The following ABHD12 variants were observed in gnomAD, a reference collection of about 807,000 sequenced individuals.
The protein encoded by ABHD12 is lysophosphatidylserine lipase ABHD12.
A neutral mutation model predicts 58.3 loss-of-function variants in ABHD12; 43 were observed. That is an observed-to-expected ratio of 0.74 (90% confidence interval 0.58 to 0.95). The LOEUF (loss-of-function observed/expected upper bound fraction) is 0.95. ABHD12 is among the 40% of genes least tolerant of loss of function. The pLI is 0.00. For missense variants in ABHD12, 539 were observed against 537.2 expected (o/e 1.00, Z -0.03); for synonymous variants, 219 against 211.2 (o/e 1.04, Z -0.32).
At chr20:25,304,100 A>G (rs902831156) in intron 10 of ABHD12, among the ~76,000 whole-genome samples, 4 of 152,266 alleles carry the variant, frequency 2.6e-5, no homozygotes, top group African/African-American at 9.6e-5. Flanking sequence ...AGCAAACCAC[A>G]TAACAGAAGC....
At chr20:25,297,132 T>C (rs898739425), downstream of ABHD12, 1 of 153,454 alleles carries the variant, frequency 6.5e-6, no homozygotes, top group African/African-American at 2.4e-5. Context: ...GATGGGGCTT[T>C]CCCTTTGTAG....
intron 1 of ABHD12, among the ~76,000 whole-genome samples, chr20:25,353,210 T>C (rs574670475): frequency 1.4e-4 from 22 of 151,838 alleles, no homozygotes; most frequent in African/African-American, 5.3e-4. Flanking sequence ...TATAATGCTT[T>C]TTCCAAATTC....
At chr20:25,303,291 T>C (rs747665646) in intron 11 of ABHD12, 147 of 1,310,996 alleles carry the variant, frequency 1.1e-4, no homozygotes, top group Non-Finnish European at 1.4e-4. Context: ...AACTATCTGC[T>C]TATTTTTCAT....
At chr20:25,351,909 AAAAAC>A (rs1266012168) in intron 1 of ABHD12, among the ~76,000 whole-genome samples, 10 of 152,246 alleles carry the variant, frequency 6.6e-5, no homozygotes, top group Non-Finnish European at 1.3e-4. Flanking sequence ...CTCAAAACAA[AAAAAC>A]AAAACAAAAC....
At chr20:25,324,229 C>T (rs763159280) in intron 2 of ABHD12, among the ~76,000 whole-genome samples, 12 of 152,080 alleles carry the variant, frequency 7.9e-5, no homozygotes, top group Non-Finnish European at 1.5e-4. Flanking sequence ...GGTGCGGGTG[C>T]GGTAGCCCCA....
In ABHD12 at chr20:25,309,577, TG is replaced by T; in HGVS notation, c.620-3del. ...GCGTTCCCACTGAGTCACCCCAACCTGGGAGGGAGAAACGGCAGGACGGGGA... is the reference window on the plus strand; with the variant it reads ...GCGTTCCCACTGAGTCACCCCAACCTGGAGGGAGAAACGGCAGGACGGGGA... On this transcript the variant is annotated splice_region_variant and splice_polypyrimidine_tract_variant and intron_variant, in intron 6 of 12. Coordinates refer to ENST00000339157, the MANE Select transcript of ABHD12 (RefSeq NM_001042472.3). The T allele has an allele frequency of 6.2e-7, 1 of 1,613,882 alleles. No individual in the cohort carries two copies.
chr20:25,325,729 T>C (rs1423499435), intron 2 of ABHD12, among the ~76,000 whole-genome samples: 1 of 152,130 alleles, frequency 6.6e-6, no homozygotes, highest in African/African-American at 2.4e-5. Context: ...GAGGATACAT[T>C]TATTTTAAGC....
chr20:25,369,922 T>C (rs903354295), intron 1 of ABHD12, among the ~76,000 whole-genome samples: 6 of 84,320 alleles, frequency 7.1e-5, no homozygotes, highest in African/African-American at 3.7e-4. Flanking sequence ...TCTCTGTCTC[T>C]GTTATAAAAA....
chr20:25,342,745 C>G (rs1349826815), intron 1 of ABHD12, among the ~76,000 whole-genome samples: 1 of 151,966 alleles, frequency 6.6e-6, no homozygotes, highest in Non-Finnish European at 1.5e-5. Flanking sequence ...ACCACCATAC[C>G]CAGCCAGGTT....
At position 25,385,567 on chromosome 20, in the gene ABHD12, C is replaced by G. The variant is rs149532739; in HGVS notation, c.191+4946G>C. 3.0e-3 allele frequency among the ~76,000 whole-genome samples: 460 copies of G among 152,100 alleles called. 3 individuals are homozygous for G. The highest frequency in any genetic ancestry group is 5.6e-3 in the Non-Finnish European group (383 of 67,990). On this transcript the variant is annotated intron_variant, in intron 1 of 12. Transcript: ENST00000339157. ...GTGCTATATTCTGAAACAGCACTGG[C>G]TAGGGTGGTGGCTCATGCCTATAAT...
intron 2 of ABHD12, among the ~76,000 whole-genome samples, chr20:25,337,872 C>A (rs1050024566): frequency 6.6e-6 from 1 of 152,180 alleles, no homozygotes; most frequent in African/African-American, 2.4e-5. Context: ...GTGCTTCTCA[C>A]AAGTGACAAA....
chr20:25,367,455 A>ATAT (rs2089838771), intron 1 of ABHD12, among the ~76,000 whole-genome samples: 3 of 152,216 alleles, frequency 2.0e-5, no homozygotes, highest in Non-Finnish European at 4.4e-5. Flanking sequence ...TCACGTGTAC[A>ATAT]GTTCAGTGGT....
intron 3 of ABHD12, among the ~76,000 whole-genome samples, chr20:25,322,632 G>A (rs777848239): frequency 5.9e-5 from 9 of 151,440 alleles, no homozygotes; most frequent in Non-Finnish European, 7.4e-5. Context: ...TGATCCACCC[G>A]TCTCGGCCTC....
At chr20:25,360,226 A>AATTTTT (rs2089726267) in intron 1 of ABHD12, among the ~76,000 whole-genome samples, 2 of 27,762 alleles carry the variant, frequency 7.2e-5, no homozygotes, top group Admixed American at 4.5e-4. Flanking sequence ...TGAACACGTT[A>AATTTTT]CTTTTTTTTT....
chr20:25,339,628 A>C, intron 1 of ABHD12: 1 of 1,424,852 alleles, frequency 7.0e-7, no homozygotes, highest in Non-Finnish European at 9.4e-7. Flanking sequence ...TCACCCTTGC[A>C]GAAGAATACA....
chr20:25,296,592 A>C (rs200841416), downstream of ABHD12: 5 of 1,535,914 alleles, frequency 3.3e-6, no homozygotes, highest in Non-Finnish European at 3.5e-6. Context: ...TTTTTTCCCC[A>C]AACACTTTGC....
At chr20:25,316,165 T>A (rs2088958355) in intron 5 of ABHD12, among the ~76,000 whole-genome samples, 1 of 151,734 alleles carries the variant, frequency 6.6e-6, no homozygotes, top group African/African-American at 2.4e-5. Flanking sequence ...CTTTTCCTTT[T>A]TTTTTGTTTT....
intron 1 of ABHD12, among the ~76,000 whole-genome samples, chr20:25,348,281 G>A (rs1445635862): frequency 6.6e-6 from 1 of 151,808 alleles, no homozygotes; most frequent in African/African-American, 2.4e-5. Context: ...GAAAAGGCAA[G>A]AAATAGACTA....
chr20:25,294,746 C>G, exon 13 of ABHD12: 1 of 635,196 alleles, frequency 1.6e-6, no homozygotes, highest in East Asian at 2.8e-5. Flanking sequence ...AACGATGTGA[C>G]ATTATAATGT....
Sources: allele counts gnomAD v4.1 joint callset (sites outside exome capture counted in the v4.1 genomes callset), GRCh38; gene constraint gnomAD v4.1.1; transcripts MANE v1.5; gene names NCBI Gene and HGNC (gene_info 2026-07-23, HGNC 2026-07-21).